The following COL25A1 variants were observed in gnomAD, a reference collection of about 807,000 sequenced individuals.
The protein encoded by COL25A1 is collagen type XXV alpha 1 chain, also known as collagen alpha-1(XXV) chain.
A neutral mutation model predicts 128.4 loss-of-function variants in COL25A1; 103 were observed. That is an observed-to-expected ratio of 0.80 (90% CI 0.68 to 0.94). The LOEUF is 0.94. COL25A1 is among the 40% of genes least tolerant of loss of function. The pLI is 0.00. For synonymous variants in COL25A1, 279 were observed against 277.2 expected, an observed-to-expected ratio of 1.01 and a Z score of -0.06; for missense variants, 745 against 840.0, an observed-to-expected ratio of 0.89 and a Z score of 1.40.
chr4:109,050,009 G>A (rs1405890275), intron 4 of COL25A1, 126 bp downstream of exon 4: 2 of 630,426 alleles, frequency 3.2e-6, no homozygotes, highest in East Asian at 5.7e-5. Context: ...ACTAGGTCTA[G>A]CAGAGAAAGA....
chr4:109,091,841 G>T (rs117176058), intron 3 of COL25A1, among the ~76,000 whole-genome samples: 3,055 of 152,198 alleles, frequency 0.02, 68 homozygotes, highest in Middle Eastern at 0.11. Context: ...ATTTTGAAGG[G>T]TCTGGCTGCT....
intron 12 of COL25A1, 141 bp from the exon 13 acceptor site, chr4:108,918,357 A>G: frequency 2.0e-6 from 1 of 509,718 alleles, no homozygotes; most frequent in Non-Finnish European, 3.4e-6. Context: ...CTGTGTTCAA[A>G]TATATAATGT....
chr4:109,172,512 G>A (rs1406114928), intron 3 of COL25A1, among the ~76,000 whole-genome samples: 1 of 151,864 alleles, frequency 6.6e-6, no homozygotes, highest in Non-Finnish European at 1.5e-5. Context: ...GCCTCCTGTG[G>A]GTCTAAGTGT....
At chr4:109,108,779 A>G (rs1240857243) in intron 3 of COL25A1, among the ~76,000 whole-genome samples, 1 of 152,172 alleles carries the variant, frequency 6.6e-6, no homozygotes, top group African/African-American at 2.4e-5. Context: ...TTTTTTTAGC[A>G]ATAAAGTATT....
rs1162009429 is a variant in COL25A1, at chr4:109,139,784, TTTAACA to T, written c.368-89611_368-89606del. On this transcript the variant is annotated intron_variant, in intron 3 of 37. Transcript: ENST00000399132. ...GTGTGCTGCATCCATTAACTCGTCA[TTTAACA>T]TTAAGTATATCTCCTAATGCTATCC... Among the ~76,000 whole-genome samples the T allele has an allele frequency of 2.0e-5, 3 of 152,272 alleles. No homozygotes were observed. In the East Asian group the frequency reaches 5.8e-4, roughly 29 times the overall value.
chr4:108,939,535 T>C (rs1355663246), intron 10 of COL25A1, among the ~76,000 whole-genome samples: 1 of 152,154 alleles, frequency 6.6e-6, no homozygotes, highest in Non-Finnish European at 1.5e-5. Context: ...AAAGAAAATA[T>C]ACCAAAACAT....
rs1021982305 is a variant in COL25A1 at position 109,288,962 on chromosome 4, T to TATATATACACACAC, written c.367+11620_367+11621insGTGTGTGTATATAT. 1.2e-3 allele frequency among the ~76,000 whole-genome samples: 160 copies of TATATATACACACAC among 133,598 alleles called. 1 individual carries two copies. The highest frequency in any genetic ancestry group is 4.2e-3 in the African/African-American group (154 of 36,338). 87.6% of individuals were successfully genotyped at this position (133,598 alleles called of 152,430 possible). On this transcript the variant is annotated intron_variant, in intron 3 of 37. Transcript: ENST00000399132. Reference sequence around the variant, plus strand: ...ACTACCAGGAATACTAAATTATATATACACACACACACACACACACACACA... The same window carrying TATATATACACACAC: ...ACTACCAGGAATACTAAATTATATATATATATACACACACACACACACACACACACACACACACA...
chr4:108,877,653 A>C (rs1739614000), intron 19 of COL25A1, among the ~76,000 whole-genome samples: 1 of 152,110 alleles, frequency 6.6e-6, no homozygotes, highest in Admixed American at 6.5e-5. Flanking sequence ...AAAAAACAAA[A>C]AACTAACAAA....
At chr4:108,941,280 A>G in intron 9 of COL25A1, 86 bp downstream of exon 9, 2 of 1,092,006 alleles carry the variant, frequency 1.8e-6, no homozygotes, top group South Asian at 1.4e-5. Flanking sequence ...CACCCCACCC[A>G]TAAGAGATAA....
rs760143728 is a variant in COL25A1 at position 109,300,642 on chromosome 4, T to C, written c.308A>G (p.Glu103Gly). 8.1e-6 allele frequency: 13 copies of C among 1,608,552 alleles called. No homozygotes were observed. The South Asian group carries it at 1.4e-4, about 18-fold the overall frequency. ...VERLLAQKSY[E>G]HMAKIRIARE... The stretch of plus-strand genomic sequence containing the variant: ...TGCGATTCTTATTTTAGCCATATGT[T>C]CATAGGATTTCTGTAGGAAAAGAAG... The change falls in exon 3 of 38, where the codon GAA (glutamate) becomes GGA (glycine). Residue 103 changes from glutamate to glycine, a missense_variant. Glu to Gly is a moderately conservative substitution (Grantham distance 98). Transcript: ENST00000399132.
chr4:109,280,664 T>C (rs1723290075), intron 3 of COL25A1, among the ~76,000 whole-genome samples: 1 of 152,076 alleles, frequency 6.6e-6, no homozygotes, highest in Non-Finnish European at 1.5e-5. Flanking sequence ...TGTTTTGTTT[T>C]TTTTTTGAGA....
intron 19 of COL25A1, among the ~76,000 whole-genome samples, chr4:108,871,558 C>A (rs1397137369): frequency 6.6e-6 from 1 of 152,110 alleles, no homozygotes; most frequent in Admixed American, 6.6e-5. Context: ...CCTCGTGATC[C>A]GCCCGTCTCG....
chr4:108,964,541 A>G (rs1467871423), intron 8 of COL25A1, among the ~76,000 whole-genome samples: 3 of 152,142 alleles, frequency 2.0e-5, no homozygotes, highest in Non-Finnish European at 4.4e-5. Flanking sequence ...AGGTAGAGCC[A>G]TTATTCCTCA....
At chr4:109,147,802 G>C (rs967744970) in intron 3 of COL25A1, among the ~76,000 whole-genome samples, 33 of 135,584 alleles carry the variant, frequency 2.4e-4, no homozygotes, top group Admixed American at 1.1e-3. Context: ...GGATGACACA[G>C]AAAGACTCTG....
chr4:108,886,488 G>GTTT (rs1413657808), intron 18 of COL25A1, among the ~76,000 whole-genome samples: 4 of 49,426 alleles, frequency 8.1e-5, no homozygotes, highest in South Asian at 6.2e-4. Flanking sequence ...GTGTGTGTGT[G>GTTT]TGTGTTTAGC....
At chr4:108,928,526 G>T (rs987715787) in intron 11 of COL25A1, among the ~76,000 whole-genome samples, 1 of 151,840 alleles carries the variant, frequency 6.6e-6, no homozygotes, top group South Asian at 2.1e-4. Context: ...ATTTATTTAT[G>T]TATTTATTTA....
At chr4:109,234,487 G>GA (rs1779346800) in intron 3 of COL25A1, among the ~76,000 whole-genome samples, 1 of 151,996 alleles carries the variant, frequency 6.6e-6, no homozygotes, top group African/African-American at 2.4e-5. Context: ...GTTTCTGGGG[G>GA]AAAAAAGCTA....
chr4:108,986,206 G>T (rs1449611123), intron 6 of COL25A1, among the ~76,000 whole-genome samples: 1 of 152,042 alleles, frequency 6.6e-6, no homozygotes, highest in Non-Finnish European at 1.5e-5. Context: ...ACATACTTTT[G>T]TCAGATTAAT....
intron 3 of COL25A1, among the ~76,000 whole-genome samples, chr4:109,297,078 TA>T (rs1725049579): frequency 6.6e-6 from 1 of 152,164 alleles, no homozygotes; most frequent in African/African-American, 2.4e-5. Flanking sequence ...AATATTCTGC[TA>T]AACACAGCTT....
Sources: gnomAD v4.1 joint callset for allele counts (sites outside exome capture counted in the v4.1 genomes callset) on GRCh38, gnomAD v4.1.1 for gene constraint, MANE v1.5 for transcripts, NCBI Gene and HGNC (gene_info 2026-07-23, HGNC 2026-07-21) for gene names.